The following TP53BP1 variants were observed in gnomAD, a reference collection of about 807,000 sequenced individuals.
TP53BP1 encodes the protein TP53-binding protein 1.
In TP53BP1, 61 loss-of-function variants were observed where a neutral mutation model predicts 200.8. The ratio of observed to expected loss-of-function variants is 0.30; its 90% confidence interval spans 0.25 to 0.38. The LOEUF (loss-of-function observed/expected upper bound fraction) is 0.38. TP53BP1 is among the 10% of genes least tolerant of loss of function. The pLI is 1.00. For missense variants in TP53BP1, 2,144 were observed against 2,371.9 expected (o/e 0.90, Z 2.00); for synonymous variants, 822 against 844.3 (o/e 0.97, Z 0.46).
At chr15:43,446,318 C>T in intron 14 of TP53BP1, 69 bp downstream of exon 14, 1 of 1,143,470 alleles carries the variant, frequency 8.7e-7, no homozygotes, top group African/African-American at 1.6e-5. Flanking sequence ...ATTATTATAA[C>T]TAGATTATAA....
chr15:43,486,056 A>T (rs189693945), intron 4 of TP53BP1, among the ~76,000 whole-genome samples: 1 of 152,178 alleles, frequency 6.6e-6, no homozygotes, highest in East Asian at 1.9e-4. Flanking sequence ...TTACCATCAA[A>T]AATTGAGAGG....
chr15:43,408,476 A>G, intron 26 of TP53BP1: 1 of 260,512 alleles, frequency 3.8e-6, no homozygotes, highest in South Asian at 5.2e-5. Flanking sequence ...GCAAGACTTC[A>G]TCTTAAAAAA....
intron 11 of TP53BP1, among the ~76,000 whole-genome samples, chr15:43,468,051 C>A (rs536044645): frequency 6.6e-6 from 1 of 152,082 alleles, no homozygotes; most frequent in South Asian, 2.1e-4. Flanking sequence ...TCCCAAAGTG[C>A]TGGGATTACA....
At chr15:43,481,410 CCA>C (rs1283787639) in intron 4 of TP53BP1, among the ~76,000 whole-genome samples, 2 of 147,510 alleles carry the variant, frequency 1.4e-5, no homozygotes, top group African/African-American at 5.0e-5. Flanking sequence ...ATATATAGAA[CCA>C]CAGAGTCCAA....
At chr15:43,510,305 G>C (rs1027873627) in intron 1 of TP53BP1, 3 of 152,230 alleles carry the variant, frequency 2.0e-5, no homozygotes, top group African/African-American at 7.2e-5. Context: ...CATTGCACTC[G>C]AGTCCTGCAC....
intron 12 of TP53BP1, among the ~76,000 whole-genome samples, chr15:43,448,451 A>G (rs1457487737): frequency 6.6e-6 from 1 of 152,154 alleles, no homozygotes; most frequent in Non-Finnish European, 1.5e-5. Flanking sequence ...TACTTATGAA[A>G]GTAGTTTGCT....
chr15:43,448,537 A>G (rs1030155638), intron 12 of TP53BP1, among the ~76,000 whole-genome samples: 2 of 151,914 alleles, frequency 1.3e-5, no homozygotes, highest in African/African-American at 4.8e-5. Flanking sequence ...AAACAAAACA[A>G]AAAAATTTTT....
chr15:43,509,863 CAAAACAAA>C lies in TP53BP1; in HGVS notation c.-9+499_-9+506del, dbSNP rs760226834. On this transcript the variant is annotated intron_variant, in intron 1 of 27. Coordinates refer to the TP53BP1 transcript ENST00000263801. ...AAACCCAAAAACCCAAAAAACAAAACAAAACAAAAAAACAAAAAAACAAGTGCTGCTGG... is the reference window on the plus strand; with the variant it reads ...AAACCCAAAAACCCAAAAAACAAAACAAAACAAAAAAACAAGTGCTGCTGG... Among the ~76,000 whole-genome samples the C allele has an allele frequency of 2.8e-4, 42 of 151,888 alleles. 2 individuals carry two copies. The highest frequency in any genetic ancestry group is 2.2e-4 in the Non-Finnish European group (15 of 67,932).
At position 43,421,080 on chromosome 15, in the gene TP53BP1, T is replaced by G. The variant is rs958270506; in HGVS notation, c.4195A>C (p.Thr1399Pro). 5.0e-6 allele frequency: 8 copies of G among 1,614,242 alleles called. No individual in the cohort carries two copies. The highest frequency in any genetic ancestry group is 6.8e-6 in the Non-Finnish European group (8 of 1,180,042). ...CCCCTTCGCCCACGCCCACGAGGCGTGACTGGAGCCTTCCCTCCCTGTCTG... is the reference window on the plus strand; with the variant it reads ...CCCCTTCGCCCACGCCCACGAGGCGGGACTGGAGCCTTCCCTCCCTGTCTG... ...GIRQGGKAPV[T>P]PRGRGRRGRP... The change falls in exon 20 of 28, where the codon ACG becomes CCG. Residue 1399 changes from threonine to proline, a missense_variant. Around this residue, in one of 4 missense-constraint regions of TP53BP1, gnomAD observed 1,700 missense variants for 1,710.3 expected, o/e 0.99. Coordinates refer to ENST00000382044, the MANE Select transcript of TP53BP1 (RefSeq NM_001141980.3).
chr15:43,442,585 T>C (rs943725832), intron 14 of TP53BP1, among the ~76,000 whole-genome samples: 9 of 151,624 alleles, frequency 5.9e-5, no homozygotes, highest in African/African-American at 1.9e-4. Flanking sequence ...GCAACCTGTG[T>C]CTCCTGGGTT....
chr15:43,440,852 G>A (rs369959363), intron 15 of TP53BP1, among the ~76,000 whole-genome samples: 7 of 151,996 alleles, frequency 4.6e-5, no homozygotes, highest in African/African-American at 1.7e-4. Flanking sequence ...TCTCACCACC[G>A]CACTCCAGCC....
At chr15:43,440,054 A>C (rs895725662) in intron 15 of TP53BP1, among the ~76,000 whole-genome samples, 1 of 152,228 alleles carries the variant, frequency 6.6e-6, no homozygotes, top group Admixed American at 6.5e-5. Context: ...AACAGATCAA[A>C]AGACTTTGAA....
rs149217125 is a variant in TP53BP1 at position 43,463,337 on chromosome 15, C to T, written c.1390-6119G>A. On this transcript the variant is annotated intron_variant, in intron 11 of 27. Coordinates refer to ENST00000382044, the MANE Select transcript of TP53BP1 (RefSeq NM_001141980.3). ...AAAAATAGACAAAATTACCTTTATCCCAATTTTCTCTTGAATAGTACTAAT... is the reference window on the plus strand; with the variant it reads ...AAAAATAGACAAAATTACCTTTATCTCAATTTTCTCTTGAATAGTACTAAT... Among the ~76,000 whole-genome samples the T allele has an allele frequency of 2.8e-4, 42 of 152,182 alleles. 1 individual carries two copies. In the East Asian group the frequency reaches 8.1e-3, roughly 29 times the overall value.
At chr15:43,417,917 C>CT (rs1373846261) in intron 21 of TP53BP1, among the ~76,000 whole-genome samples, 2 of 152,184 alleles carry the variant, frequency 1.3e-5, no homozygotes, top group African/African-American at 4.8e-5. Context: ...CAGTGGCTCA[C>CT]TACTGTAATC....
Position 43,404,615 on chromosome 15 carries a change from AT to A in TP53BP1, c.*2767del. On this transcript the variant is annotated 3_prime_UTR_variant, in exon 28 of 28. Coordinates refer to ENST00000382044, the MANE Select transcript of TP53BP1 (RefSeq NM_001141980.3). ...AGGTGGCTTTTTAATGAGTTGTAGA[AT>A]TCTAGAACTGGAAGAAGACTTTAGT... 11 of 1,560,832 alleles carry A rather than the reference AT, an allele frequency of 7.0e-6. No individual in the cohort carries two copies. Among genetic ancestry groups the A allele is most frequent in the Non-Finnish European group, 9.6e-6 (11 of 1,144,210 alleles).
At chr15:43,427,030 A>G (rs1012717538) in intron 18 of TP53BP1, among the ~76,000 whole-genome samples, 1 of 149,322 alleles carries the variant, frequency 6.7e-6, no homozygotes, top group Admixed American at 7.6e-5. Context: ...AAAAAAAAAA[A>G]AAAAAAGAAA....
At chr15:43,508,136 T>C (rs1258233658) in intron 1 of TP53BP1, among the ~76,000 whole-genome samples, 1 of 151,848 alleles carries the variant, frequency 6.6e-6, no homozygotes, top group Non-Finnish European at 1.5e-5. Flanking sequence ...CCGAGGTAGG[T>C]GGATCATGAG....
upstream of TP53BP1, among the ~76,000 whole-genome samples, chr15:43,495,623 C>T (rs2079178491): frequency 1.3e-5 from 2 of 151,994 alleles, no homozygotes; most frequent in South Asian, 4.1e-4. Flanking sequence ...CGAGACCATC[C>T]TGGCTAACAC....
Position 43,490,891 on chromosome 15 carries a change from C to T in TP53BP1, c.371+778G>A, listed in dbSNP as rs45474894. 1.1e-4 allele frequency among the ~76,000 whole-genome samples: 16 copies of T among 152,226 alleles called. No homozygotes were observed. In the East Asian group the frequency reaches 1.9e-3, roughly 18 times the overall value. On this transcript the variant is annotated intron_variant, in intron 4 of 27. Transcript: ENST00000382044. Reference sequence around the variant, plus strand: ...AAATAACATTATACTATATGCCAAACGTCCAATACAGGACCTAACACAGAG... The same window carrying T: ...AAATAACATTATACTATATGCCAAATGTCCAATACAGGACCTAACACAGAG...
Sources: allele counts gnomAD v4.1 joint callset (sites outside exome capture counted in the v4.1 genomes callset), GRCh38; gene constraint gnomAD v4.1.1; regional missense constraint gnomAD v4.1.1; transcripts MANE v1.5; gene names NCBI Gene and HGNC (gene_info 2026-07-23, HGNC 2026-07-21).